Variants in ALMS1 observed in about 807,000 individuals in gnomAD.
The protein encoded by ALMS1 is centrosome-associated protein ALMS1.
In ALMS1, 271 loss-of-function variants were observed where a neutral mutation model predicts 352.2. That is an observed-to-expected ratio of 0.77 (90% CI 0.70 to 0.85). The LOEUF is 0.85. ALMS1 is among the 40% of genes least tolerant of loss of function. ALMS1 has a pLI of 0.00. For missense variants in ALMS1, 5,445 were observed against 4,870.7 expected (o/e 1.12, Z -3.51); for synonymous variants, 1,865 against 1,761.2 (o/e 1.06, Z -1.48).
At chr2:73,598,548 A>G (rs776420529) in intron 16 of ALMS1, among the ~76,000 whole-genome samples, 4 of 152,180 alleles carry the variant, frequency 2.6e-5, no homozygotes, top group Non-Finnish European at 5.9e-5. Context: ...TGGTTTATCT[A>G]GTTCAAGGGA....
At position 73,450,872 on chromosome 2, in the gene ALMS1, C is replaced by T; in HGVS notation, c.4345C>T (p.Pro1449Ser). The T allele has an allele frequency of 1.2e-6, 2 of 1,613,828 alleles. No homozygotes were observed. The highest frequency in any genetic ancestry group is 1.7e-6 in the Non-Finnish European group (2 of 1,179,924). The change falls in exon 8 of 23, where the codon CCT becomes TCT. Residue 1449 changes from proline to serine, a missense_variant. Transcript: ENST00000613296. ...YQQVLPHSHLPEEALEVSVAP... is the reference protein window; with the variant it reads ...YQQVLPHSHLSEEALEVSVAP... ...ACAGGTCTTGCCACATAGTCATCTA[C>T]CTGAAGAGGCTTTGGAAGTTTCAGT...
At chr2:73,485,452 G>A (rs1672814915) in intron 9 of ALMS1, among the ~76,000 whole-genome samples, 1 of 152,222 alleles carries the variant, frequency 6.6e-6, no homozygotes, top group South Asian at 2.1e-4. Flanking sequence ...CCAGCTGTGT[G>A]CTGGGAGAAC....
In ALMS1 at chr2:73,452,450, G is replaced by A; in HGVS notation, c.5923G>A (p.Glu1975Lys). 1 of 1,614,032 alleles carries A rather than the reference G, an allele frequency of 6.2e-7. No homozygotes were observed. Among genetic ancestry groups the A allele is most frequent in the Non-Finnish European group, 8.5e-7 (1 of 1,179,990 alleles). The change falls in exon 8 of 23, where the codon GAG becomes AAG. Residue 1975 changes from glutamate (E) to lysine (K), a missense_variant. By Grantham distance (56) the Glu-to-Lys change is moderately conservative. Transcript: ENST00000613296. ...LKVSPVSIPA[E>K]QKTGIPIGLS... ...AGTTTCACCTGTTTCTATACCAGCAGAGCAGAAGACTGGGATACCAATAGG... is the reference window on the plus strand; with the variant it reads ...AGTTTCACCTGTTTCTATACCAGCAAAGCAGAAGACTGGGATACCAATAGG...
intron 15 of ALMS1, among the ~76,000 whole-genome samples, chr2:73,562,271 T>C (rs569712501): frequency 6.6e-6 from 1 of 152,220 alleles, no homozygotes; most frequent in East Asian, 1.9e-4. Context: ...GCTCAAGTGA[T>C]CTTCCCACCT....
At chr2:73,596,575 G>A (rs542409717) in intron 16 of ALMS1, among the ~76,000 whole-genome samples, 7 of 151,576 alleles carry the variant, frequency 4.6e-5, no homozygotes, top group South Asian at 4.2e-4. Context: ...GGGTTCAAGC[G>A]ATTCTTCTGC....
chr2:73,394,992 A>ATATATATATGTGTATATATATGTG lies in ALMS1; in HGVS notation c.324+8826_324+8849dup, dbSNP rs766688001. On this transcript the variant is annotated intron_variant, in intron 1 of 22. Coordinates refer to ENST00000613296, the MANE Select transcript of ALMS1 (RefSeq NM_001378454.1). ...TATGGTATTTTACATATATATGTGT[A>ATATATATATGTGTATATATATGTG]TATATATATGTGTATATATATGTGT... Among the ~76,000 whole-genome samples, 442 of 122,008 alleles carry ATATATATATGTGTATATATATGTG rather than the reference A, an allele frequency of 3.6e-3. 6 individuals carry two copies. Among genetic ancestry groups the ATATATATATGTGTATATATATGTG allele is most frequent in the African/African-American group, 0.015 (414 of 27,424 alleles). 80.0% of individuals were successfully genotyped at this position (122,008 alleles called of 152,430 possible). A position where few individuals can be genotyped will look rare whatever the true frequency, so the allele number is the denominator to read the frequency against.
chr2:73,490,287 G>A lies in ALMS1; in HGVS notation c.8328G>A (p.Met2776Ile), dbSNP rs775982049. 6.8e-6 allele frequency: 11 copies of A among 1,613,374 alleles called. No homozygotes were observed. Among genetic ancestry groups the A allele is most frequent in the Non-Finnish European group, 6.8e-6 (8 of 1,179,776 alleles). The change falls in exon 10 of 23, where the codon ATG becomes ATA. Residue 2776 changes from methionine (M) to isoleucine (I), a missense_variant. By Grantham distance (10) the Met-to-Ile change is conservative. Transcript: ENST00000613296. ...CCTCTTCCCCTTCATCATTTAAAAT[G>A]CATAGTAATTCACAAGATAAAGAAG... Reference protein sequence around the residue: ...QKTSSPSSFKMHSNSQDKEVT... With the variant: ...QKTSSPSSFKIHSNSQDKEVT...
chr2:73,454,102 G>C (rs1224867365), intron 8 of ALMS1, 35 bp downstream of exon 8: 1 of 1,570,546 alleles, frequency 6.4e-7, no homozygotes, highest in Admixed American at 1.8e-5. Context: ...AAACGTTATA[G>C]TTTAATAATG....
Position 73,451,542 on chromosome 2 carries a change from T to A in ALMS1, c.5015T>A (p.Val1672Asp), listed in dbSNP as rs1311871252. 1.2e-6 allele frequency: 2 copies of A among 1,613,702 alleles called. No homozygotes were observed. The highest frequency in any genetic ancestry group is 2.7e-5 in the African/African-American group (2 of 74,786). Residue 1672 changes from valine (V) to aspartate (D), a missense_variant, in exon 8 of 23, where the codon GTC becomes GAC. By Grantham distance (152) the Val-to-Asp change is radical (BLOSUM62 -3). Coordinates refer to ENST00000613296, the MANE Select transcript of ALMS1 (RefSeq NM_001378454.1). ...STSYSNRGKP[V>D]IFYQQTLSDS... ...AGCTACTCAAATAGGGGGAAGCCTG[T>A]CATTTTCTACCAGCAGACCCTATCA...
At chr2:73,485,682 A>G (rs1057155495) in intron 9 of ALMS1, among the ~76,000 whole-genome samples, 34 of 152,080 alleles carry the variant, frequency 2.2e-4, no homozygotes, top group Non-Finnish European at 4.0e-4. Context: ...CCTCGCTGCC[A>G]CCTTGCAGTT....
At chr2:73,465,223 C>G (rs1193626555) in intron 9 of ALMS1, among the ~76,000 whole-genome samples, 4 of 152,180 alleles carry the variant, frequency 2.6e-5, no homozygotes, top group African/African-American at 7.2e-5. Context: ...CATCACACTA[C>G]CTGACTTCAA....
At chr2:73,537,295 A>G (rs537536769) in intron 12 of ALMS1, among the ~76,000 whole-genome samples, 5 of 152,358 alleles carry the variant, frequency 3.3e-5, no homozygotes, top group African/African-American at 1.2e-4. Flanking sequence ...AAAGGCGCTG[A>G]CATATTCCTA....
rs769567141 is a variant in ALMS1, at chr2:73,451,173, G to A, written c.4646G>A (p.Arg1549Lys). The A allele has an allele frequency of 1.2e-6, 2 of 1,611,212 alleles. No individual in the cohort carries two copies. The highest frequency in any genetic ancestry group is 1.4e-5 in the African/African-American group (1 of 73,864). ...AGTCAAATACCTGAAGAGGCTCTCA[G>A]AGTTTCTTCTGCTCCTGGACCAGCT... Reference protein sequence around the residue: ...LGSQIPEEALRVSSAPGPADQ... With the variant: ...LGSQIPEEALKVSSAPGPADQ... Residue 1549 changes from arginine to lysine, a missense_variant, in exon 8 of 23, where the codon AGA (arginine) becomes AAA (lysine). Transcript: ENST00000613296.
intron 15 of ALMS1, among the ~76,000 whole-genome samples, chr2:73,564,084 A>G (rs1300421051): frequency 1.3e-5 from 2 of 151,354 alleles, no homozygotes; most frequent in African/African-American, 4.8e-5. Context: ...GCATAAGCCT[A>G]TATGGGTTAA....
chr2:73,550,418 C>T lies in ALMS1; in HGVS notation c.10059C>T (p.Pro3353=), dbSNP rs1180602339. 5 of 1,613,954 alleles carry T rather than the reference C, an allele frequency of 3.1e-6. No individual in the cohort carries two copies. Among genetic ancestry groups the T allele is most frequent in the South Asian group, 1.1e-5 (1 of 91,090 alleles). Residue 3353 remains proline (P), a synonymous_variant, in exon 13 of 23, where the codon CCC becomes CCT. Transcript: ENST00000613296. The part of the protein sequence containing the change: ...TKASLPVGEK[P]LQNENADASV... ...CATCCTTGCCAGTGGGAGAAAAACC[C>T]TTGCAGAATGAAAATGCAGGTAACT...
rs762352626 is a variant in ALMS1, at chr2:73,489,975, C to A, written c.8016C>A (p.Phe2672Leu). The change falls in exon 10 of 23, where the codon TTC becomes TTA. Residue 2672 changes from phenylalanine (F) to leucine (L), a missense_variant. Coordinates refer to ENST00000613296, the MANE Select transcript of ALMS1 (RefSeq NM_001378454.1). The stretch of plus-strand genomic sequence containing the variant: ...TCAGCAAAGGTCTTCGAATGCCATT[C>A]GATGAAAAGATGGACCCTTGGCTGT... ...FKISKGLRMPFDEKMDPWLSE... is the reference protein window; with the variant it reads ...FKISKGLRMPLDEKMDPWLSE... 6.2e-7 allele frequency: 1 copy of A among 1,614,178 alleles called. No individual in the cohort carries two copies. The highest frequency in any genetic ancestry group is 1.1e-5 in the South Asian group (1 of 91,080).
intron 10 of ALMS1, among the ~76,000 whole-genome samples, chr2:73,516,490 T>TC (rs1673559102): frequency 6.6e-6 from 1 of 152,120 alleles, no homozygotes; most frequent in African/African-American, 2.4e-5. Flanking sequence ...AAAACACATA[T>TC]AATCAATATC....
chr2:73,563,680 G>A (rs1048460417), intron 15 of ALMS1, among the ~76,000 whole-genome samples: 7 of 136,186 alleles, frequency 5.1e-5, no homozygotes, highest in South Asian at 2.3e-4. Flanking sequence ...CCGAGATCAC[G>A]CCACTGCACT....
In ALMS1 at chr2:73,490,626, A is replaced by T; in HGVS notation, c.8667A>T (p.Glu2889Asp). 6.2e-7 allele frequency: 1 copy of T among 1,614,208 alleles called. No individual in the cohort carries two copies. The highest frequency in any genetic ancestry group is 8.5e-7 in the Non-Finnish European group (1 of 1,180,036). The change falls in exon 10 of 23, where the codon GAA (glutamate) becomes GAT (aspartate). Residue 2889 changes from glutamate to aspartate, a missense_variant. Physicochemically the swap from Glu to Asp is conservative, Grantham distance 45. Transcript: ENST00000613296. ...TTCTTGAACAACGAGAGCTCTTTGA[A>T]CAAAGCAAAGCCCCACGTGCAGATG... ...CIFLEQRELF[E>D]QSKAPRADDH...
Sources: gnomAD v4.1 joint callset for allele counts (sites outside exome capture counted in the v4.1 genomes callset) on GRCh38, gnomAD v4.1.1 for gene constraint, MANE v1.5 for transcripts, NCBI Gene and HGNC (gene_info 2026-07-23, HGNC 2026-07-21) for gene names.